TFEC: variants seen among roughly 807,000 people sequenced by gnomAD.
The protein encoded by TFEC is transcription factor EC.
TFEC carries 31 observed loss-of-function variants against 41.6 expected under a neutral mutation model. The ratio of observed to expected loss-of-function variants is 0.74; its 90% CI spans 0.56 to 1.01. TFEC has a LOEUF of 1.01. TFEC is among the 50% of genes least tolerant of loss of function. The probability of loss-of-function intolerance (pLI) is 0.00; values close to 1 mark genes in which losing one functional copy is unlikely to be tolerated. For synonymous variants in TFEC, 143 were observed against 140.6 expected, an observed-to-expected ratio of 1.02 and a Z score of -0.12; for missense variants, 402 against 404.1, an observed-to-expected ratio of 0.99 and a Z score of 0.04.
chr7:115,941,605 TTA>T, intron 7 of TFEC: 1 of 367,816 alleles, frequency 2.7e-6, no homozygotes. Context: ...TTTGTTGTCA[TTA>T]TATATGTGTA....
chr7:116,075,124 A>G (rs1796926091), intron 3 of TFEC, among the ~76,000 whole-genome samples: 1 of 152,208 alleles, frequency 6.6e-6, no homozygotes, highest in Non-Finnish European at 1.5e-5. Context: ...GATTGTGGTA[A>G]TGTTTGCACA....
At chr7:115,972,991 A>C (rs1039433915) in intron 3 of TFEC, among the ~76,000 whole-genome samples, 10 of 152,102 alleles carry the variant, frequency 6.6e-5, no homozygotes, top group African/African-American at 2.4e-4. Context: ...TATTAGCATT[A>C]ATATCAAATG....
chr7:116,051,029 A>G (rs2204335), intron 3 of TFEC, among the ~76,000 whole-genome samples: 93,303 of 151,994 alleles, frequency 0.61, 29,188 homozygotes, highest in East Asian at 0.74. Context: ...CCATCATTCT[A>G]AGCAAACTAT....
At chr7:116,134,673 G>A (rs1156513753) in intron 1 of TFEC, among the ~76,000 whole-genome samples, 3 of 151,954 alleles carry the variant, frequency 2.0e-5, no homozygotes, top group East Asian at 1.9e-4. Flanking sequence ...AGTCTTCTTC[G>A]CCCTTTTTTG....
chr7:115,951,027 A>C, intron 5 of TFEC, 78 bp from the exon 6 acceptor site: 1 of 819,216 alleles, frequency 1.2e-6, no homozygotes, highest in Non-Finnish European at 1.8e-6. Context: ...ATTTTTAACA[A>C]TCTTTTAAAA....
intron 2 of TFEC, among the ~76,000 whole-genome samples, chr7:115,981,448 G>C (rs1793626292): frequency 6.6e-6 from 1 of 152,044 alleles, no homozygotes; most frequent in Admixed American, 6.6e-5. Flanking sequence ...AGCAAGTAGA[G>C]AAATATTATT....
rs755655151 is a variant in TFEC at position 115,936,048 on chromosome 7, G to C, written c.*4503C>G. 2 of 151,532 alleles carry C rather than the reference G, an allele frequency of 1.3e-5. No homozygotes were observed. Among genetic ancestry groups the C allele is most frequent in the African/African-American group, 4.8e-5 (2 of 41,364 alleles). The allele number at this position is 151,532 out of a possible 1,614,324, so 9.4% of individuals were successfully genotyped here. On this transcript the variant is annotated 3_prime_UTR_variant, in exon 8 of 8. Transcript: ENST00000265440. ...TACATTCAAATCTCTATGGACCTCA[G>C]AGGGAAAATGTAGCACTGAAAATTT... is the stretch of plus-strand genomic sequence containing the variant.
intron 3 of TFEC, among the ~76,000 whole-genome samples, chr7:115,973,173 T>A (rs1216874346): frequency 6.6e-6 from 1 of 151,968 alleles, no homozygotes; most frequent in Non-Finnish European, 1.5e-5. Flanking sequence ...ACTGGTGACT[T>A]GACTAGCACT....
chr7:115,964,229 T>C (rs13225384), intron 3 of TFEC, among the ~76,000 whole-genome samples: 1 of 151,546 alleles, frequency 6.6e-6, no homozygotes. Context: ...AATCGTATTA[T>C]GATTACTGAA....
intron 1 of TFEC, among the ~76,000 whole-genome samples, chr7:116,149,674 A>C (rs1417257028): frequency 6.6e-6 from 1 of 152,194 alleles, no homozygotes; most frequent in Non-Finnish European, 1.5e-5. Context: ...AGATATCCTA[A>C]AATATTTATT....
At chr7:115,946,721 T>G (rs1044460326) in intron 6 of TFEC, among the ~76,000 whole-genome samples, 3 of 150,630 alleles carry the variant, frequency 2.0e-5, no homozygotes, top group Non-Finnish European at 3.0e-5. Flanking sequence ...TTCCTTTCTT[T>G]TTTTTAGAGG....
upstream of TFEC, among the ~76,000 whole-genome samples, chr7:116,035,075 C>T (rs183772491): frequency 1.6e-4 from 24 of 151,978 alleles, no homozygotes; most frequent in Admixed American, 8.5e-4. Flanking sequence ...TCACGAAGAC[C>T]AGGATCCCCA....
intron 1 of TFEC, among the ~76,000 whole-genome samples, chr7:116,137,487 T>G (rs1037433617): frequency 6.6e-6 from 1 of 152,146 alleles, no homozygotes; most frequent in Admixed American, 6.6e-5. Flanking sequence ...AGTGACTCTC[T>G]CGTAAACTTG....
chr7:116,067,451 A>C (rs965692599), intron 3 of TFEC, among the ~76,000 whole-genome samples: 2 of 152,028 alleles, frequency 1.3e-5, no homozygotes, highest in Non-Finnish European at 2.9e-5. Context: ...AAACAAGAGA[A>C]ATATGAAAAA....
At chr7:116,024,062 T>G (rs1795497882) in intron 1 of TFEC, among the ~76,000 whole-genome samples, 2 of 152,166 alleles carry the variant, frequency 1.3e-5, no homozygotes, top group South Asian at 4.1e-4. Context: ...TCACTGGTTA[T>G]CCATCTACTG....
chr7:116,104,526 C>T (rs1797673037), intron 3 of TFEC, among the ~76,000 whole-genome samples: 1 of 152,132 alleles, frequency 6.6e-6, no homozygotes, highest in South Asian at 2.1e-4. Flanking sequence ...CAAGTCCGAA[C>T]CATGCATTCC....
intron 1 of TFEC, among the ~76,000 whole-genome samples, chr7:116,159,056 CACAGTTTTTATATGTAACTTA>C (rs1443945766): frequency 2.0e-5 from 3 of 151,766 alleles, no homozygotes; most frequent in Non-Finnish European, 4.4e-5. Context: ...TCAACTGACT[CACAGTTTTTATATGTAACTTA>C]ACAGTTTTTA....
At chr7:116,051,105 C>T (rs1796300038) in intron 3 of TFEC, among the ~76,000 whole-genome samples, 1 of 151,902 alleles carries the variant, frequency 6.6e-6, no homozygotes, top group African/African-American at 2.4e-5. Context: ...AATGAGAACA[C>T]TTGGATGCAG....
chr7:116,097,190 C>G (rs1054719922), intron 3 of TFEC, among the ~76,000 whole-genome samples: 2 of 151,892 alleles, frequency 1.3e-5, no homozygotes, highest in Non-Finnish European at 2.9e-5. Context: ...GGTAAAATGT[C>G]AATACAGGAG....
Sources: allele counts gnomAD v4.1 joint callset (sites outside exome capture counted in the v4.1 genomes callset), GRCh38; gene constraint gnomAD v4.1.1; transcripts MANE v1.5; gene names NCBI Gene and HGNC (gene_info 2026-07-23, HGNC 2026-07-21).